TMEM132B: variants seen among roughly 807,000 people sequenced by gnomAD.
The protein encoded by TMEM132B is transmembrane protein 132B.
Under a neutral mutation model 90.8 loss-of-function variants are expected in TMEM132B, and 18 were observed. The observed-to-expected ratio is 0.20, with a 90% CI of 0.14 to 0.29. TMEM132B has a LOEUF of 0.29. Among genes scored for constraint, TMEM132B ranks in the 10% least tolerant of loss-of-function variants. The pLI is 1.00. For synonymous variants in TMEM132B, 504 were observed against 523.3 expected, an observed-to-expected ratio of 0.96 and a Z score of 0.50; for missense variants, 1,096 against 1,326.8, an observed-to-expected ratio of 0.83 and a Z score of 2.70.
intron 2 of TMEM132B, among the ~76,000 whole-genome samples, chr12:125,400,536 A>G (rs1879289715): frequency 6.6e-6 from 1 of 152,194 alleles, no homozygotes; most frequent in Non-Finnish European, 1.5e-5. Flanking sequence ...GTAAGACTGG[A>G]GTCCCCACCT....
intron 1 of TMEM132B, among the ~76,000 whole-genome samples, chr12:125,201,785 T>C (rs879611121): frequency 1.3e-5 from 2 of 152,244 alleles, no homozygotes; most frequent in Non-Finnish European, 2.9e-5. Context: ...GTAGTTAAGC[T>C]TGACATCACA....
At chr12:125,586,113 T>TG (rs1415771833) in intron 5 of TMEM132B, 2 of 152,232 alleles carry the variant, frequency 1.3e-5, no homozygotes, top group African/African-American at 4.8e-5. Flanking sequence ...TAGCACCCTT[T>TG]GGAGAGATCC....
intron 5 of TMEM132B, among the ~76,000 whole-genome samples, chr12:125,589,326 CA>C (rs1372518467): frequency 1.3e-5 from 2 of 151,636 alleles, no homozygotes. Context: ...ACTAAAAATA[CA>C]AAAAATTAGC....
chr12:125,482,275 G>C (rs1284131894), intron 3 of TMEM132B, among the ~76,000 whole-genome samples: 3 of 152,182 alleles, frequency 2.0e-5, no homozygotes, highest in East Asian at 3.9e-4. Flanking sequence ...AAACTAAAGA[G>C]CTTCTGCACA....
At chr12:125,372,238 C>G (rs886563016) in intron 2 of TMEM132B, among the ~76,000 whole-genome samples, 1 of 152,224 alleles carries the variant, frequency 6.6e-6, no homozygotes, top group Non-Finnish European at 1.5e-5. Context: ...TTCTTGCAGA[C>G]AGGGATTGCT....
At chr12:125,374,447 T>C (rs757573652) in intron 2 of TMEM132B, among the ~76,000 whole-genome samples, 2 of 151,450 alleles carry the variant, frequency 1.3e-5, no homozygotes, top group Non-Finnish European at 2.9e-5. Flanking sequence ...TTTTTGTTTT[T>C]CCTTTGTTTA....
At chr12:125,540,186 A>G (rs537407471) in intron 4 of TMEM132B, among the ~76,000 whole-genome samples, 2 of 152,314 alleles carry the variant, frequency 1.3e-5, no homozygotes, top group African/African-American at 4.8e-5. Flanking sequence ...CATACTTTAT[A>G]TGACTTAATT....
chr12:125,260,280 G>T (rs1335005377), intron 1 of TMEM132B, among the ~76,000 whole-genome samples: 2 of 152,216 alleles, frequency 1.3e-5, no homozygotes, highest in Non-Finnish European at 2.9e-5. Flanking sequence ...ATCACTACTT[G>T]AAATAGTTCC....
At chr12:125,429,494 C>G (rs1444109831) in intron 3 of TMEM132B, among the ~76,000 whole-genome samples, 1 of 152,124 alleles carries the variant, frequency 6.6e-6, no homozygotes, top group African/African-American at 2.4e-5. Context: ...GTGTGAGCCA[C>G]CGTGCCCGGC....
chr12:125,538,646 CT>C (rs1187059018), intron 4 of TMEM132B, among the ~76,000 whole-genome samples: 1 of 152,224 alleles, frequency 6.6e-6, no homozygotes, highest in Non-Finnish European at 1.5e-5. Flanking sequence ...GAACAAGCCT[CT>C]TATTCAGTGG....
At chr12:125,274,983 C>T (rs1258252154) in intron 1 of TMEM132B, among the ~76,000 whole-genome samples, 2 of 152,242 alleles carry the variant, frequency 1.3e-5, no homozygotes, top group East Asian at 1.9e-4. Flanking sequence ...AACAAAATTA[C>T]AATAATCCGC....
chr12:125,322,270 C>T (rs1876448252), intron 1 of TMEM132B, among the ~76,000 whole-genome samples: 1 of 152,236 alleles, frequency 6.6e-6, no homozygotes, highest in Non-Finnish European at 1.5e-5. Context: ...ACTCTCTTGC[C>T]TGCCGCCATG....
chr12:125,554,109 T>A (rs931863223), intron 4 of TMEM132B, among the ~76,000 whole-genome samples: 2 of 152,104 alleles, frequency 1.3e-5, no homozygotes, highest in African/African-American at 4.8e-5. Context: ...AATTAAAATG[T>A]TTTCTTTCTT....
In TMEM132B at chr12:125,498,522, A is replaced by G. The variant is rs1882615492; in HGVS notation, c.1107-20917A>G. On this transcript the variant is annotated intron_variant, in intron 3 of 8. Transcript: ENST00000682704. This position sits in a 1 kb window ranked among gnomAD's most constrained non-coding sequence, Gnocchi z 4.5. ...ACTTCCTAGCAGAGAAATGTCTGTG[A>G]TTACATAATAGGACATTGCAGTCCA... Among the ~76,000 whole-genome samples, 2 of 152,176 alleles carry G rather than the reference A, an allele frequency of 1.3e-5. No homozygotes were observed. The highest frequency in any genetic ancestry group is 2.1e-4 in the South Asian group (1 of 4,824).
Position 125,513,116 on chromosome 12 carries a change from C to T in TMEM132B, c.1107-6323C>T, listed in dbSNP as rs145029880. 5.3e-3 allele frequency among the ~76,000 whole-genome samples: 807 copies of T among 152,330 alleles called. 2 individuals carry two copies. Among genetic ancestry groups the T allele is most frequent in the African/African-American group, 0.018 (749 of 41,582 alleles). On this transcript the variant is annotated intron_variant, in intron 3 of 8. Transcript: ENST00000682704. Reference sequence around the variant, plus strand: ...GAGCCTTCCCTGGCCTGCCTGCCTACGCAGGTCTGTCTCCTTCACTCACCT... The same window carrying T: ...GAGCCTTCCCTGGCCTGCCTGCCTATGCAGGTCTGTCTCCTTCACTCACCT...
chr12:125,517,692 A>G (rs1883203168), intron 3 of TMEM132B, among the ~76,000 whole-genome samples: 1 of 152,188 alleles, frequency 6.6e-6, no homozygotes, highest in Non-Finnish European at 1.5e-5. Context: ...TGGATGGTAC[A>G]TGAAGTGAGT....
At chr12:125,530,733 A>T (rs2136694999) in intron 4 of TMEM132B, among the ~76,000 whole-genome samples, 1 of 152,222 alleles carries the variant, frequency 6.6e-6, no homozygotes, top group Middle Eastern at 3.4e-3. Context: ...TCATCACATA[A>T]GCTGTGTGTG....
intron 5 of TMEM132B, among the ~76,000 whole-genome samples, chr12:125,625,353 T>A (rs1317943926): frequency 2.6e-5 from 4 of 152,146 alleles, no homozygotes; most frequent in East Asian, 1.9e-4. Flanking sequence ...CAGGATGGTC[T>A]CTATCTCGTG....
At position 125,270,637 on chromosome 12, in the gene TMEM132B, C is replaced by T. The variant is rs191292183; in HGVS notation, c.68-78815C>T. Among the ~76,000 whole-genome samples, 981 of 152,284 alleles carry T rather than the reference C, an allele frequency of 6.4e-3. 5 individuals carry two copies. Among genetic ancestry groups the T allele is most frequent in the Middle Eastern group, 0.017 (5 of 294 alleles). ...GCTTCCAGGAGCAGAGTGAAACACACCTCAGGACTGTTCACCAAAGACACG... is the reference window on the plus strand; with the variant it reads ...GCTTCCAGGAGCAGAGTGAAACACATCTCAGGACTGTTCACCAAAGACACG... On this transcript the variant is annotated intron_variant, in intron 1 of 8. Transcript: ENST00000682704.
Sources: allele counts gnomAD v4.1 joint callset (sites outside exome capture counted in the v4.1 genomes callset), GRCh38; gene constraint gnomAD v4.1.1; non-coding constraint Gnocchi (gnomAD v3.1); transcripts MANE v1.5; gene names NCBI Gene and HGNC (gene_info 2026-07-23, HGNC 2026-07-21).